The following DYNC2H1 variants were observed in gnomAD, a reference collection of about 807,000 sequenced individuals.
DYNC2H1 encodes the protein dynein cytoplasmic 2 heavy chain 1, also known as cytoplasmic dynein 2 heavy chain 1.
In DYNC2H1, 410 loss-of-function variants were observed where a neutral mutation model predicts 570.0. The observed-to-expected ratio is 0.72, with a 90% CI of 0.66 to 0.78. The LOEUF is 0.78. Among genes scored for constraint, DYNC2H1 ranks in the 30% least tolerant of loss-of-function variants. The pLI is 0.00. For synonymous variants in DYNC2H1, 1,688 were observed against 1,677.6 expected (o/e 1.01, Z -0.15); for missense variants, 4,865 against 5,046.4 (o/e 0.96, Z 1.09).
At chr11:103,248,528 G>C (rs1458499647) in intron 65 of DYNC2H1, among the ~76,000 whole-genome samples, 2 of 152,012 alleles carry the variant, frequency 1.3e-5, no homozygotes. Context: ...TATGACAGCA[G>C]TTTTTATATT....
intron 59 of DYNC2H1, among the ~76,000 whole-genome samples, chr11:103,223,628 C>T (rs532468666): frequency 7.2e-4 from 110 of 152,016 alleles, no homozygotes; most frequent in Non-Finnish European, 1.4e-3. Context: ...TCAGGTGATT[C>T]ACCTGCCTTG....
rs1322786343 is a variant in DYNC2H1, at chr11:103,243,913, G to A, written c.9918+122G>A. ...GGTCCTACTGTATGGGACCTTGGGC[G>A]AGAGATATAACTCTTAGCTTCAGTT... On this transcript the variant is annotated intron_variant, in intron 64 of 88. Transcript: ENST00000375735. This position sits in a 1 kb window ranked among gnomAD's most constrained non-coding sequence, Gnocchi z 4.8. 6 of 579,060 alleles carry A rather than the reference G, an allele frequency of 1.0e-5. No homozygotes were observed. The highest frequency in any genetic ancestry group is 1.7e-5 in the Non-Finnish European group (6 of 352,804). The allele number at this position is 579,060 out of a possible 1,614,324, so 35.9% of individuals were successfully genotyped here.
At chr11:103,188,684 G>A (rs1862175556) in intron 44 of DYNC2H1, 36 bp downstream of exon 44, 3 of 1,419,526 alleles carry the variant, frequency 2.1e-6, no homozygotes, top group Non-Finnish European at 1.9e-6. Context: ...TTTAATTTGG[G>A]AAGATATCAT....
intron 16 of DYNC2H1, 35 bp from the exon 17 acceptor site, chr11:103,135,685 C>T (rs762162870): frequency 1.9e-6 from 3 of 1,605,050 alleles, no homozygotes; most frequent in East Asian, 4.5e-5. Flanking sequence ...AATTTTCTAA[C>T]AATTTATGTT....
chr11:103,373,286 T>A (rs1941250541), intron 83 of DYNC2H1, among the ~76,000 whole-genome samples: 3 of 152,166 alleles, frequency 2.0e-5, no homozygotes, highest in Admixed American at 1.3e-4. Flanking sequence ...TCTAGGAATT[T>A]ATCCACTTTT....
At chr11:103,219,890 G>A in intron 55 of DYNC2H1, 25 bp from the exon 56 acceptor site, 1 of 1,308,440 alleles carries the variant, frequency 7.6e-7, no homozygotes, top group Non-Finnish European at 1.0e-6. Flanking sequence ...AAATTGATTG[G>A]AATGCCACTT....
chr11:103,316,369 A>AT (rs972573004), intron 79 of DYNC2H1, among the ~76,000 whole-genome samples, 176 bp from the exon 80 acceptor site: 4 of 151,662 alleles, frequency 2.6e-5, no homozygotes, highest in African/African-American at 9.7e-5. Context: ...TGGCCAGTTA[A>AT]TTTTTTTTAA....
intron 20 of DYNC2H1, among the ~76,000 whole-genome samples, chr11:103,150,751 A>G (rs1860494160): frequency 6.6e-6 from 1 of 152,204 alleles, no homozygotes; most frequent in South Asian, 2.1e-4. Context: ...CTTCAAGCAT[A>G]GGATGAGGAG....
At chr11:103,136,775 G>C (rs1206589183) in intron 17 of DYNC2H1, among the ~76,000 whole-genome samples, 8 of 152,146 alleles carry the variant, frequency 5.3e-5, no homozygotes. Context: ...GGTATTTCTA[G>C]TTCTAGATCC....
chr11:103,448,169 G>A (rs553677909), intron 85 of DYNC2H1, among the ~76,000 whole-genome samples: 10 of 152,180 alleles, frequency 6.6e-5, no homozygotes, highest in Non-Finnish European at 1.3e-4. Flanking sequence ...AGGATATTAC[G>A]TTTAAGGATA....
chr11:103,221,207 A>AATTCTCT (rs2135151268), intron 57 of DYNC2H1, among the ~76,000 whole-genome samples: 1 of 152,256 alleles, frequency 6.6e-6, no homozygotes, highest in East Asian at 1.9e-4. Flanking sequence ...AATAAAAGGG[A>AATTCTCT]GCTGCAAACT....
At position 103,303,121 on chromosome 11, in the gene DYNC2H1, A is replaced by T; in HGVS notation, c.11124A>T (p.Leu3708=). ...LGLKEVSPLP[L]NLKRLYKETL... ...TGAAAGAGGTGTCCCCACTGCCTCT[A>T]AATCTCAAACGTTTATACAAAGAGA... Residue 3708 remains leucine (L), a synonymous_variant, in exon 76 of 89, where the codon CTA becomes CTT. Transcript: ENST00000375735. The T allele has an allele frequency of 6.3e-7, 1 of 1,597,660 alleles. No individual in the cohort carries two copies. Among genetic ancestry groups the T allele is most frequent in the Non-Finnish European group, 8.5e-7 (1 of 1,171,066 alleles).
At position 103,268,578 on chromosome 11, in the gene DYNC2H1, T is replaced by A. The variant is rs1299109631; in HGVS notation, c.10695+8601T>A. On this transcript the variant is annotated intron_variant, in intron 70 of 88. Coordinates refer to ENST00000375735, the MANE Select transcript of DYNC2H1 (RefSeq NM_001377.3). This position sits in a 1 kb window ranked among gnomAD's most constrained non-coding sequence, Gnocchi z 4.6. ...ACGAAGTTTCGTTATTGGTCAGTCT[T>A]GTAATAATGTGTTTAATGGTTTTTA... is the stretch of plus-strand genomic sequence containing the variant. Among the ~76,000 whole-genome samples, 1 of 151,974 alleles carries A rather than the reference T, an allele frequency of 6.6e-6. No homozygotes were observed. The highest frequency in any genetic ancestry group is 1.5e-5 in the Non-Finnish European group (1 of 67,860).
intron 36 of DYNC2H1, among the ~76,000 whole-genome samples, chr11:103,174,617 A>G (rs1861719856): frequency 6.6e-6 from 1 of 152,138 alleles, no homozygotes; most frequent in African/African-American, 2.4e-5. Flanking sequence ...ACAAGAACAG[A>G]AACCTTAGAA....
chr11:103,198,228 G>A (rs1035851857), intron 48 of DYNC2H1, among the ~76,000 whole-genome samples, 165 bp downstream of exon 48: 2 of 152,276 alleles, frequency 1.3e-5, no homozygotes, highest in South Asian at 4.1e-4. Context: ...AACGAGATGT[G>A]CCTGTACTTA....
rs998169805 is a variant in DYNC2H1, at chr11:103,334,500, T to A, written c.12039+10510T>A. On this transcript the variant is annotated intron_variant, in intron 82 of 88. Transcript: ENST00000375735. The surrounding 1 kb of genome is among the most constrained non-coding windows in gnomAD (Gnocchi z 4.3). Reference sequence around the variant, plus strand: ...CAATTCCATGTAATGAAGTTTTTTTTAATTACAAAAACCATTTTTATTACC... The same window carrying A: ...CAATTCCATGTAATGAAGTTTTTTTAAATTACAAAAACCATTTTTATTACC... Among the ~76,000 whole-genome samples the A allele has an allele frequency of 1.3e-5, 2 of 152,170 alleles. No individual in the cohort carries two copies. Among genetic ancestry groups the A allele is most frequent in the East Asian group, 1.9e-4 (1 of 5,204 alleles).
intron 84 of DYNC2H1, chr11:103,408,033 A>AATAG (rs1227533722): frequency 1.3e-5 from 2 of 152,024 alleles, no homozygotes; most frequent in Non-Finnish European, 2.9e-5. Flanking sequence ...CTGATCATAG[A>AATAG]ATAGATGGCT....
rs11225713 is a variant in DYNC2H1, at chr11:103,319,868, G to C, written c.11726-1161G>C. 0.17 allele frequency among the ~76,000 whole-genome samples: 25,148 copies of C among 151,952 alleles called. 2,245 individuals carry two copies. Among genetic ancestry groups the C allele is most frequent in the Admixed American group, 0.26 (3,892 of 15,260 alleles). On this transcript the variant is annotated intron_variant, in intron 80 of 88. Coordinates refer to ENST00000375735, the MANE Select transcript of DYNC2H1 (RefSeq NM_001377.3). This position sits in a 1 kb window ranked among gnomAD's most constrained non-coding sequence, Gnocchi z 4.3. ...GACAACTAGAAATTTGAGTCCTGGTGAAGTCCTTTGTTTAGTCACTGTTGA... is the reference window on the plus strand; with the variant it reads ...GACAACTAGAAATTTGAGTCCTGGTCAAGTCCTTTGTTTAGTCACTGTTGA...
intron 85 of DYNC2H1, among the ~76,000 whole-genome samples, chr11:103,442,870 T>G (rs1161936694): frequency 1.2e-4 from 18 of 152,024 alleles, no homozygotes; most frequent in Admixed American, 1.1e-3. Flanking sequence ...CAGCAAACAA[T>G]TTTTCCCTGC....
Sources: allele counts gnomAD v4.1 joint callset (sites outside exome capture counted in the v4.1 genomes callset), GRCh38; gene constraint gnomAD v4.1.1; non-coding constraint Gnocchi (gnomAD v3.1); transcripts MANE v1.5; gene names NCBI Gene and HGNC (gene_info 2026-07-23, HGNC 2026-07-21).